RAB7B: variants seen among roughly 807,000 people sequenced by gnomAD.
The protein encoded by RAB7B is ras-related protein Rab-7b.
chr1:205,994,385 A>G (rs1303734665), intron 1 of RAB7B: 1 of 307,704 alleles, frequency 3.2e-6, no homozygotes, highest in African/African-American at 2.2e-5. Flanking sequence ...GGACAGGCAA[A>G]TCTCTCATCC....
chr1:205,985,559 G>C lies in RAB7B; in HGVS notation c.503C>G (p.Ala168Gly), dbSNP rs1222016606. Reference sequence around the variant, plus strand: ...ACTCACCCTCGACAGAGCCCTACTGGCCAGCATCTCAAACGCTTGCACCAC... The same window carrying C: ...ACTCACCCTCGACAGAGCCCTACTGCCCAGCATCTCAAACGCTTGCACCAC... ...INVVQAFEML[A>G]SRALSRYQSI... The change falls in exon 5 of 6, where the codon GCC becomes GGC. Residue 168 changes from alanine to glycine, a missense_variant. Physicochemically the swap from Ala to Gly is moderately conservative, Grantham distance 60. Coordinates refer to ENST00000617070, the MANE Select transcript of RAB7B (RefSeq NM_001164522.3). 1 of 398,918 alleles carries C rather than the reference G, an allele frequency of 2.5e-6. No individual in the cohort carries two copies. The highest frequency in any genetic ancestry group is 4.4e-6 in the Non-Finnish European group (1 of 226,256). 24.7% of individuals were successfully genotyped at this position (398,918 alleles called of 1,614,324 possible).
At chr1:205,987,694 A>G (rs1333402122) in intron 4 of RAB7B, among the ~76,000 whole-genome samples, 1 of 152,246 alleles carries the variant, frequency 6.6e-6, no homozygotes, top group Non-Finnish European at 1.5e-5. Flanking sequence ...CCCAGTGAAT[A>G]AATTCCTTGT....
chr1:206,000,562 C>T (rs952194517), intron 1 of RAB7B, among the ~76,000 whole-genome samples: 21 of 152,300 alleles, frequency 1.4e-4, no homozygotes, highest in South Asian at 6.2e-4. Context: ...GGACATCACT[C>T]GTGGCTGTGG....
intron 1 of RAB7B, among the ~76,000 whole-genome samples, chr1:206,002,048 A>C (rs1660901587): frequency 6.6e-6 from 1 of 150,680 alleles, no homozygotes. Context: ...CTATCTTTCC[A>C]GGCTCTTGTC....
chr1:205,985,747 C>CCCTCCAGGCCCACCAGGCCCA, intron 4 of RAB7B, 82 bp from the exon 5 acceptor site: 1 of 301,738 alleles, frequency 3.3e-6, no homozygotes, highest in Non-Finnish European at 5.8e-6. Context: ...CCCCACCATC[C>CCCTCCAGGCCCACCAGGCCCA]CCATCAGGCC....
intron 1 of RAB7B, among the ~76,000 whole-genome samples, chr1:205,997,848 A>T (rs1660828889): frequency 6.6e-6 from 1 of 152,230 alleles, no homozygotes; most frequent in Admixed American, 6.5e-5. Context: ...CCTTAGAAAG[A>T]GAGTCAGAAC....
At chr1:205,996,218 T>G (rs1480035887) in intron 1 of RAB7B, among the ~76,000 whole-genome samples, 3 of 151,488 alleles carry the variant, frequency 2.0e-5, no homozygotes, top group Admixed American at 2.0e-4. Context: ...GTAGGATACA[T>G]GCTTAACTGG....
chr1:205,982,252 C>A (rs1660508078), intron 5 of RAB7B, among the ~76,000 whole-genome samples: 1 of 152,192 alleles, frequency 6.6e-6, no homozygotes, highest in African/African-American at 2.4e-5. Context: ...AATCCATTGT[C>A]CCTTCATTTG....
intron 4 of RAB7B, among the ~76,000 whole-genome samples, chr1:205,989,350 A>G (rs1660677291): frequency 6.6e-6 from 1 of 151,908 alleles, no homozygotes; most frequent in Non-Finnish European, 1.5e-5. Flanking sequence ...CTCTCTCTGG[A>G]CACCAAAGAT....
chr1:205,992,442 TATA>T (rs2102640074), intron 4 of RAB7B, 35 bp downstream of exon 4: 1 of 398,666 alleles, frequency 2.5e-6, no homozygotes, highest in East Asian at 3.6e-5. Context: ...TGGGTGCTCA[TATA>T]ATGTTTGTTG....
rs1391905191 is a variant in RAB7B at position 205,980,946 on chromosome 1, G to A, written c.523-2018C>T. Among the ~76,000 whole-genome samples the A allele has an allele frequency of 2.6e-5, 4 of 151,196 alleles. No homozygotes were observed. The South Asian group carries it at 8.4e-4, about 32-fold the overall frequency. On this transcript the variant is annotated intron_variant, in intron 5 of 5. Transcript: ENST00000617070. ...GACAGGGTCTCACTCCTGTGGCCCA[G>A]GCTGGAGTGCAGTGGCACAATCATG... is the stretch of plus-strand genomic sequence containing the variant.
chr1:205,991,516 C>T (rs1478322236), intron 4 of RAB7B, among the ~76,000 whole-genome samples: 12 of 152,196 alleles, frequency 7.9e-5, no homozygotes, highest in African/African-American at 1.4e-4. Flanking sequence ...TCCTCAAACT[C>T]GCCATGTCCA....
At chr1:205,980,337 GGT>G (rs1660466903) in intron 5 of RAB7B, among the ~76,000 whole-genome samples, 2 of 152,174 alleles carry the variant, frequency 1.3e-5, no homozygotes, top group Non-Finnish European at 1.5e-5. Flanking sequence ...ACCCTCCCCG[GGT>G]GCAAGTCATC....
chr1:205,998,137 T>C (rs1660834654), intron 1 of RAB7B, among the ~76,000 whole-genome samples: 1 of 152,202 alleles, frequency 6.6e-6, no homozygotes, highest in African/African-American at 2.4e-5. Context: ...GGGCGGATCA[T>C]GAGGTCAGGA....
intron 3 of RAB7B, 146 bp from the exon 4 acceptor site, chr1:205,992,841 A>T (rs1414978066): frequency 5.0e-6 from 2 of 397,082 alleles, no homozygotes; most frequent in Non-Finnish European, 8.9e-6. Context: ...ACACCGTGGC[A>T]CGTTGACCCT....
chr1:205,997,098 C>G (rs1660821493), intron 1 of RAB7B, among the ~76,000 whole-genome samples: 1 of 152,210 alleles, frequency 6.6e-6, no homozygotes, highest in Non-Finnish European at 1.5e-5. Flanking sequence ...GTTGGTGGCA[C>G]TGGAACTTCT....
intron 5 of RAB7B, among the ~76,000 whole-genome samples, chr1:205,984,968 C>T (rs1028799065): frequency 2.6e-5 from 4 of 152,306 alleles, no homozygotes; most frequent in African/African-American, 2.4e-5. Flanking sequence ...CCCCTAAGTC[C>T]TGCCCCACCA....
rs981986426 is a variant in RAB7B at position 205,985,023 on chromosome 1, C to T, written c.522+517G>A. Among the ~76,000 whole-genome samples, 1,027 of 152,298 alleles carry T rather than the reference C, an allele frequency of 6.7e-3. 16 individuals carry two copies. The highest frequency in any genetic ancestry group is 0.023 in the African/African-American group (942 of 41,554). ...CACTTAGGGGCCTATCTGCCTGCCTCTTGAGACAGAGGGTCCTGAGGCCTG... is the reference window on the plus strand; with the variant it reads ...CACTTAGGGGCCTATCTGCCTGCCTTTTGAGACAGAGGGTCCTGAGGCCTG... On this transcript the variant is annotated intron_variant, in intron 5 of 5. Transcript: ENST00000617070.
chr1:205,992,372 A>G, intron 4 of RAB7B, 108 bp downstream of exon 4: 1 of 397,704 alleles, frequency 2.5e-6, no homozygotes, highest in East Asian at 3.6e-5. Context: ...TTCCTGAAGT[A>G]AGGACTATGC....
Sources: gnomAD v4.1 joint callset for allele counts (sites outside exome capture counted in the v4.1 genomes callset) on GRCh38, gnomAD v4.1.1 for gene constraint, MANE v1.5 for transcripts, NCBI Gene and HGNC (gene_info 2026-07-23, HGNC 2026-07-21) for gene names.